FOXP1: variants seen among roughly 807,000 people sequenced by gnomAD.
The protein encoded by FOXP1 is forkhead box P1.
A neutral mutation model predicts 98.2 loss-of-function variants in FOXP1; 15 were observed. That is an observed-to-expected ratio of 0.15 (90% CI 0.10 to 0.24). The LOEUF is 0.24. Among genes scored for constraint, FOXP1 ranks in the 10% least tolerant of loss-of-function variants. The probability of loss-of-function intolerance (pLI) is 1.00; values close to 1 mark genes in which losing one functional copy is unlikely to be tolerated. For synonymous variants in FOXP1, 371 were observed against 314.5 expected, an observed-to-expected ratio of 1.18 and a Z score of -1.90; for missense variants, 633 against 848.5, an observed-to-expected ratio of 0.75 and a Z score of 3.15.
intron 2 of FOXP1, among the ~76,000 whole-genome samples, chr3:71,506,403 G>A (rs1400183612): frequency 1.3e-5 from 2 of 152,058 alleles, no homozygotes; most frequent in East Asian, 3.9e-4. Flanking sequence ...CTGTCTCCAC[G>A]GCGGCGTATC....
At chr3:71,195,862 A>T (rs1198729547) in intron 6 of FOXP1, among the ~76,000 whole-genome samples, 1 of 152,260 alleles carries the variant, frequency 6.6e-6, no homozygotes, top group East Asian at 1.9e-4. Context: ...ATTTCTCCAA[A>T]CTGTCTAATT....
intron 7 of FOXP1, among the ~76,000 whole-genome samples, chr3:71,068,313 G>A (rs1204214508): frequency 6.6e-6 from 1 of 152,204 alleles, no homozygotes; most frequent in Non-Finnish European, 1.5e-5. Flanking sequence ...TGGTTCTGCT[G>A]AGCCTTAGCT....
chr3:70,977,056 T>G lies in FOXP1; in HGVS notation c.1429-14A>C, dbSNP rs750761183. 6 of 1,550,664 alleles carry G rather than the reference T, an allele frequency of 3.9e-6. No individual in the cohort carries two copies. The African/African-American group carries it at 8.1e-5, about 21-fold the overall frequency. On this transcript the variant is annotated splice_polypyrimidine_tract_variant and intron_variant, in intron 16 of 20. Coordinates refer to ENST00000649528, the MANE Select transcript of FOXP1 (RefSeq NM_001349338.3). ...TTCGAGAATGGCCTGTGAAGCAGAA[T>G]GTAACAGAAGATAATTTATGACCAA...
chr3:71,089,641 G>A (rs1248905709), intron 7 of FOXP1, among the ~76,000 whole-genome samples: 1 of 152,092 alleles, frequency 6.6e-6, no homozygotes. Flanking sequence ...TGCCACATGG[G>A]GATCACTACT....
At chr3:71,529,791 C>T (rs1560612508) in intron 2 of FOXP1, among the ~76,000 whole-genome samples, 2 of 152,140 alleles carry the variant, frequency 1.3e-5, no homozygotes, top group African/African-American at 4.8e-5. Context: ...CATACCTTGT[C>T]CTGCGACTGT....
At chr3:71,581,837 G>A (rs1387019533) in intron 1 of FOXP1, 140 bp from the exon 2 acceptor site, 4 of 986,340 alleles carry the variant, frequency 4.1e-6, no homozygotes, top group Non-Finnish European at 2.4e-6. Context: ...CCGCGAGTGC[G>A]CGTGGAGGGA....
At chr3:71,064,894 G>A (rs1322637201) in intron 7 of FOXP1, 1 of 834,842 alleles carries the variant, frequency 1.2e-6, no homozygotes, top group South Asian at 5.5e-5. Flanking sequence ...CGGGCGTGGG[G>A]TCCGGCGGCC....
chr3:71,426,752 C>G (rs890435152), intron 3 of FOXP1, among the ~76,000 whole-genome samples: 1 of 152,162 alleles, frequency 6.6e-6, no homozygotes, highest in African/African-American at 2.4e-5. Flanking sequence ...AGTTCCCCTT[C>G]TTGCACTGTC....
intron 3 of FOXP1, among the ~76,000 whole-genome samples, chr3:71,411,309 G>GTGTGTGTGTGTGTGTT (rs1560446775): frequency 7.5e-6 from 1 of 133,538 alleles, no homozygotes; most frequent in Non-Finnish European, 1.6e-5. Context: ...GTGTGTGTGT[G>GTGTGTGTGTGTGTGTT]TGTGTGTGTA....
At chr3:71,476,831 G>T (rs1404657342) in intron 3 of FOXP1, among the ~76,000 whole-genome samples, 1 of 151,938 alleles carries the variant, frequency 6.6e-6, no homozygotes, top group Non-Finnish European at 1.5e-5. Flanking sequence ...TAATGTGTTT[G>T]TTCTTAAATT....
intron 11 of FOXP1, among the ~76,000 whole-genome samples, chr3:71,022,160 A>AT (rs896036555): frequency 1.3e-5 from 2 of 151,782 alleles, no homozygotes; most frequent in Admixed American, 6.6e-5. Context: ...GTCCAAGTTC[A>AT]TTTTTTTTAA....
intron 4 of FOXP1, among the ~76,000 whole-genome samples, chr3:71,353,852 A>T (rs1031788271): frequency 3.9e-5 from 6 of 152,204 alleles, no homozygotes; most frequent in African/African-American, 1.4e-4. Context: ...TAGCAAAAAT[A>T]ATAGATCATC....
At chr3:71,305,882 T>A (rs2074238660) in intron 4 of FOXP1, 1 of 152,622 alleles carries the variant, frequency 6.6e-6, no homozygotes, top group Non-Finnish European at 1.5e-5. Flanking sequence ...ACTTACCCGT[T>A]CATGGTGAGG....
intron 6 of FOXP1, among the ~76,000 whole-genome samples, chr3:71,183,695 C>A (rs984069213): frequency 6.6e-6 from 1 of 152,178 alleles, no homozygotes; most frequent in Non-Finnish European, 1.5e-5. Flanking sequence ...AGCCATGACT[C>A]AGGCCAAACA....
chr3:71,341,307 G>C (rs1283792403), intron 4 of FOXP1, among the ~76,000 whole-genome samples: 1 of 152,046 alleles, frequency 6.6e-6, no homozygotes, highest in African/African-American at 2.4e-5. Flanking sequence ...AAAAAATGTG[G>C]GAAATCCATA....
At chr3:71,409,535 G>A (rs889755244) in intron 3 of FOXP1, among the ~76,000 whole-genome samples, 1 of 151,676 alleles carries the variant, frequency 6.6e-6, no homozygotes, top group Non-Finnish European at 1.5e-5. Context: ...ACTGCACTAG[G>A]GCTCACCTAT....
chr3:71,503,281 T>C (rs941359595), intron 2 of FOXP1, among the ~76,000 whole-genome samples: 1 of 152,192 alleles, frequency 6.6e-6, no homozygotes, highest in East Asian at 1.9e-4. Context: ...CAGAGGCCTT[T>C]GTAGTTAGTT....
chr3:71,542,500 G>C (rs2044935117), intron 2 of FOXP1, among the ~76,000 whole-genome samples: 1 of 152,244 alleles, frequency 6.6e-6, no homozygotes, highest in African/African-American at 2.4e-5. Context: ...CCAAAGTAGA[G>C]GCTAAGTTGA....
chr3:71,399,876 A>C (rs906884998), intron 3 of FOXP1, among the ~76,000 whole-genome samples: 2 of 152,194 alleles, frequency 1.3e-5, no homozygotes, highest in Admixed American at 1.3e-4. Flanking sequence ...ATCATTTAAA[A>C]ATTTCTCCAG....
Sources: allele counts gnomAD v4.1 joint callset (sites outside exome capture counted in the v4.1 genomes callset), GRCh38; gene constraint gnomAD v4.1.1; transcripts MANE v1.5; gene names NCBI Gene and HGNC (gene_info 2026-07-23, HGNC 2026-07-21).